CD247: variants seen among roughly 807,000 people sequenced by gnomAD.
CD247 encodes the protein CD247 molecule, also known as T-cell surface glycoprotein CD3 zeta chain.
In CD247, 13 loss-of-function variants were observed where a neutral mutation model predicts 30.0. The ratio of observed to expected loss-of-function variants is 0.43; its 90% CI spans 0.28 to 0.69. The LOEUF (loss-of-function observed/expected upper bound fraction) is 0.69, where lower values mean the gene tolerates loss of function less well. Among genes scored for constraint, CD247 ranks in the 30% least tolerant of loss-of-function variants. The pLI is 0.16. For missense variants in CD247, 193 were observed against 212.6 expected (o/e 0.91, Z 0.57); for synonymous variants, 72 against 80.0 (o/e 0.90, Z 0.53).
chr1:167,500,979 G>C (rs1164862773), intron 1 of CD247, among the ~76,000 whole-genome samples: 6 of 151,898 alleles, frequency 4.0e-5, no homozygotes, highest in Admixed American at 6.6e-5. Context: ...TTTTCAAACA[G>C]AGATGGAAAA....
chr1:167,472,667 A>G (rs1653580247), intron 1 of CD247, among the ~76,000 whole-genome samples: 3 of 152,156 alleles, frequency 2.0e-5, no homozygotes, highest in Non-Finnish European at 1.5e-5. Flanking sequence ...CCTACTGCAG[A>G]TTGTGTATTT....
At chr1:167,510,552 C>G (rs1655344296) in intron 1 of CD247, among the ~76,000 whole-genome samples, 1 of 152,340 alleles carries the variant, frequency 6.6e-6, no homozygotes, top group African/African-American at 2.4e-5. Flanking sequence ...AGGTTGCAAC[C>G]TCTACCCCCT....
intron 1 of CD247, chr1:167,448,379 G>C: frequency 1.0e-6 from 1 of 985,416 alleles, no homozygotes; most frequent in Non-Finnish European, 1.2e-6. Flanking sequence ...GTGGTGAGAG[G>C]GGTCCTCACC....
At chr1:167,471,831 C>CTTTTTTTTTTTTTTTTTTTTTTTTT (rs111891678) in intron 1 of CD247, among the ~76,000 whole-genome samples, 6 of 117,182 alleles carry the variant, frequency 5.1e-5, no homozygotes, top group Admixed American at 9.9e-5. Flanking sequence ...CTGTTTCTTT[C>CTTTTTTTTTTTTTTTTTTTTTTTTT]TTTTTTTTTT....
intron 1 of CD247, among the ~76,000 whole-genome samples, chr1:167,454,016 C>T (rs1652503243): frequency 6.6e-6 from 1 of 152,028 alleles, no homozygotes; most frequent in South Asian, 2.1e-4. Context: ...ATGAAAAAAA[C>T]ACTATGTAAG....
intron 1 of CD247, chr1:167,457,428 G>C (rs1652746473): frequency 6.6e-6 from 1 of 152,286 alleles, no homozygotes; most frequent in Admixed American, 6.5e-5. Flanking sequence ...AATGGAGCTA[G>C]AATCTTGCCT....
chr1:167,465,845 C>G (rs1653222902), intron 1 of CD247, among the ~76,000 whole-genome samples: 1 of 152,194 alleles, frequency 6.6e-6, no homozygotes, highest in Non-Finnish European at 1.5e-5. Context: ...ATTTCTCTGG[C>G]TACAGTTAAA....
chr1:167,439,645 C>T (rs991662573), intron 2 of CD247: 1 of 568,586 alleles, frequency 1.8e-6, no homozygotes, highest in African/African-American at 1.9e-5. Context: ...CCAGGACCCG[C>T]TGGAGTTTAT....
intron 1 of CD247, among the ~76,000 whole-genome samples, chr1:167,480,251 G>A (rs1653922613): frequency 6.6e-6 from 1 of 152,190 alleles, no homozygotes; most frequent in Admixed American, 6.5e-5. Flanking sequence ...GAGAGCTGCT[G>A]AGGTCTTGGC....
At chr1:167,435,543 C>CGTCT (rs1651506332) in intron 4 of CD247, 109 bp from the exon 5 acceptor site, 1 of 879,516 alleles carries the variant, frequency 1.1e-6, no homozygotes, top group Admixed American at 1.9e-5. Context: ...GGGGCTCTGC[C>CGTCT]GTCTGCCTCT....
At chr1:167,448,536 G>T (rs1168917854) in intron 1 of CD247, 1 of 985,402 alleles carries the variant, frequency 1.0e-6, no homozygotes, top group South Asian at 4.7e-5. Flanking sequence ...GTGAGGCCAG[G>T]ACTCACACTG....
At position 167,440,701 on chromosome 1, in the gene CD247, T is replaced by A. The variant is rs2101996223; in HGVS notation, c.125A>T (p.Tyr42Phe). Residue 42 changes from tyrosine (Y) to phenylalanine (F), a missense_variant, in exon 2 of 8, where the codon TAT (tyrosine) becomes TTT (phenylalanine). Coordinates refer to ENST00000362089, the MANE Select transcript of CD247 (RefSeq NM_198053.3). ...GAACAAGGCAGTGAGAATGACACCA[T>A]AGATGAAGAGGATTCCATCCAGCAG... ...CYLLDGILFI[Y>F]GVILTALFLR... 6.2e-7 allele frequency: 1 copy of A among 1,613,778 alleles called. No homozygotes were observed. Among genetic ancestry groups the A allele is most frequent in the Non-Finnish European group, 8.5e-7 (1 of 1,179,802 alleles).
At chr1:167,464,851 T>C (rs1653168807) in intron 1 of CD247, among the ~76,000 whole-genome samples, 1 of 152,084 alleles carries the variant, frequency 6.6e-6, no homozygotes, top group South Asian at 2.1e-4. Flanking sequence ...GAAGTACAGT[T>C]ACCGAAAAGG....
chr1:167,431,847 G>A (rs1195599914), intron 7 of CD247, 101 bp from the exon 8 acceptor site: 5 of 995,704 alleles, frequency 5.0e-6, no homozygotes, highest in Non-Finnish European at 8.1e-6. Context: ...ACAGCCCTGT[G>A]ACCACCCACC....
chr1:167,446,826 T>C (rs1321063836), intron 1 of CD247, among the ~76,000 whole-genome samples: 4 of 152,136 alleles, frequency 2.6e-5, no homozygotes, highest in Non-Finnish European at 5.9e-5. Context: ...ACCCCGTCTC[T>C]ACTAAAAAAT....
At chr1:167,457,079 C>T (rs1290661725) in intron 1 of CD247, among the ~76,000 whole-genome samples, 1 of 152,196 alleles carries the variant, frequency 6.6e-6, no homozygotes, top group Non-Finnish European at 1.5e-5. Flanking sequence ...GAAGACCTCA[C>T]ACCCACAGTG....
chr1:167,447,530 T>G (rs1028350599), intron 1 of CD247, among the ~76,000 whole-genome samples: 4 of 152,156 alleles, frequency 2.6e-5, no homozygotes, highest in Non-Finnish European at 4.4e-5. Flanking sequence ...CCAATTTCTA[T>G]AGGGCAGCCT....
In CD247 at chr1:167,433,058, C is replaced by T. The variant is rs201594815; in HGVS notation, c.395G>A (p.Arg132His). The T allele has an allele frequency of 6.8e-5, 110 of 1,614,182 alleles. No individual in the cohort carries two copies. Among genetic ancestry groups the T allele is most frequent in the Non-Finnish European group, 7.8e-5 (92 of 1,179,996 alleles). The change falls in exon 7 of 8, where the codon CGC (arginine) becomes CAC (histidine). Residue 132 changes from arginine (R) to histidine (H), a missense_variant and splice_region_variant. Arg to His is a conservative substitution (Grantham distance 29). Transcript: ENST00000362089. ...GCCATCGTGCCCCTTGCCCCTCCGG[C>T]GCTGGTTGTTTGGGAGTGAAATGAG... ...AYSEIGMKGE[R>H]RRGKGHDGLY...
chr1:167,500,155 C>A (rs1259413656), intron 1 of CD247, among the ~76,000 whole-genome samples: 2 of 152,156 alleles, frequency 1.3e-5, no homozygotes, highest in Non-Finnish European at 2.9e-5. Context: ...TACTCATGAC[C>A]TAAATGAGAT....
Sources: allele counts gnomAD v4.1 joint callset (sites outside exome capture counted in the v4.1 genomes callset), GRCh38; gene constraint gnomAD v4.1.1; transcripts MANE v1.5; gene names NCBI Gene and HGNC (gene_info 2026-07-23, HGNC 2026-07-21).